The following KDM2B variants were observed in gnomAD, a reference collection of about 807,000 sequenced individuals.
KDM2B encodes the protein lysine demethylase 2B.
KDM2B carries 26 observed loss-of-function variants against 150.0 expected under a neutral mutation model. The observed-to-expected ratio is 0.17, with a 90% confidence interval of 0.13 to 0.24. The LOEUF (loss-of-function observed/expected upper bound fraction) is 0.24, where lower values mean the gene tolerates loss of function less well. Ranked by LOEUF, KDM2B falls within the 10% of genes least tolerant of loss-of-function variation. The pLI, the probability that KDM2B is intolerant of heterozygous loss-of-function variation, is 1.00. For missense variants in KDM2B, 1,265 were observed against 1,816.9 expected, an observed-to-expected ratio of 0.70 and a Z score of 5.52; for synonymous variants, 734 against 729.5, an observed-to-expected ratio of 1.01 and a Z score of -0.10.
rs1375183483 is a variant in KDM2B, at chr12:121,494,805, T to C, written c.1648-140A>G. ...CATTGACTCCACCACCACCCACACATTCAATAGAAACCAAGTCACTAGGGT... is the reference window on the plus strand; with the variant it reads ...CATTGACTCCACCACCACCCACACACTCAATAGAAACCAAGTCACTAGGGT... On this transcript the variant is annotated intron_variant, in intron 11 of 22. Transcript: ENST00000377071. 8.4e-6 allele frequency: 5 copies of C among 594,398 alleles called. No homozygotes were observed. The African/African-American group carries it at 9.6e-5, about 11-fold the overall frequency. The allele number at this position is 594,398 out of a possible 1,614,324, so 36.8% of individuals were successfully genotyped here.
the KDM2B span, chr12:121,416,266 A>T: frequency 1.2e-6 from 2 of 1,613,998 alleles, no homozygotes; most frequent in African/African-American, 2.7e-5. Context: ...CCACCGGTCC[A>T]TTCAGATTTA....
chr12:121,418,060 A>G, the KDM2B span: 7 of 850,090 alleles, frequency 8.2e-6, no homozygotes, highest in Non-Finnish European at 1.3e-5. Flanking sequence ...CTGCACTTAA[A>G]GGCTGTCCTG....
the KDM2B span, among the ~76,000 whole-genome samples, chr12:121,411,962 G>A: frequency 6.6e-6 from 1 of 152,190 alleles, no homozygotes; most frequent in African/African-American, 2.4e-5. Context: ...AAAATGTAAC[G>A]TGCAAACTAA....
At chr12:121,466,554 T>C (rs1879968132) in intron 12 of KDM2B, among the ~76,000 whole-genome samples, 1 of 151,470 alleles carries the variant, frequency 6.6e-6, no homozygotes, top group Non-Finnish European at 1.5e-5. Flanking sequence ...TTCGCCCGGG[T>C]TCCGGGTGGC....
chr12:121,573,116 G>A (rs573823750), intron 4 of KDM2B, among the ~76,000 whole-genome samples: 3 of 144,204 alleles, frequency 2.1e-5, no homozygotes, highest in Non-Finnish European at 3.0e-5. Context: ...GAGCCACTGT[G>A]CCCGGCCTAA....
chr12:121,464,955 G>A (rs767398003), intron 12 of KDM2B, among the ~76,000 whole-genome samples: 25 of 152,272 alleles, frequency 1.6e-4, no homozygotes, highest in South Asian at 4.1e-4. Flanking sequence ...AAAGCATGCA[G>A]GGAGGCAAGG....
chr12:121,562,407 C>T (rs1440454858), intron 4 of KDM2B, among the ~76,000 whole-genome samples: 1 of 152,086 alleles, frequency 6.6e-6, no homozygotes, highest in African/African-American at 2.4e-5. Context: ...TCATTTGAAC[C>T]TGGGAGGCGG....
Position 121,549,345 on chromosome 12 carries a change from C to T in KDM2B, c.576+115G>A. On this transcript the variant is annotated intron_variant, in intron 5 of 22. Transcript: ENST00000377071. The surrounding 1 kb of genome is among the most constrained non-coding windows in gnomAD (Gnocchi z 4.4). ...TTAGTCACCCCTATGCCTGCCAAGC[C>T]CAGCCAGCCACACCCACATGAGCCT... The T allele has an allele frequency of 1.0e-6, 1 of 976,350 alleles. No homozygotes were observed. The highest frequency in any genetic ancestry group is 1.5e-6 in the Non-Finnish European group (1 of 660,154). 60.5% of individuals were successfully genotyped at this position (976,350 alleles called of 1,614,324 possible). A position where few individuals can be genotyped will look rare whatever the true frequency, so the allele number is the denominator to read the frequency against.
intron 12 of KDM2B, among the ~76,000 whole-genome samples, chr12:121,479,461 T>G (rs1157906562): frequency 1.2e-5 from 1 of 82,336 alleles, no homozygotes; most frequent in Admixed American, 1.2e-4. Flanking sequence ...AGCGAGACCC[T>G]GTCTCAAAAA....
intron 12 of KDM2B, among the ~76,000 whole-genome samples, chr12:121,484,367 A>G (rs1287957166): frequency 6.6e-6 from 1 of 152,084 alleles, no homozygotes; most frequent in Non-Finnish European, 1.5e-5. Flanking sequence ...AAGGAGTGTA[A>G]GCAAAGACAG....
intron 7 of KDM2B, 58 bp downstream of exon 7, chr12:121,534,439 C>G (rs1280847212): frequency 8.0e-7 from 1 of 1,251,294 alleles, no homozygotes; most frequent in East Asian, 2.3e-5. Context: ...GGTAAGTGAG[C>G]CCCTCCCCAC....
intron 4 of KDM2B, among the ~76,000 whole-genome samples, chr12:121,569,515 C>T (rs1555315588): frequency 2.0e-5 from 3 of 152,176 alleles, no homozygotes; most frequent in African/African-American, 7.2e-5. Flanking sequence ...CATAGATGTC[C>T]CCGGAGGTTA....
In KDM2B at chr12:121,533,085, G is replaced by C; in HGVS notation, c.778-126C>G. The C allele has an allele frequency of 1.1e-6, 1 of 883,912 alleles. No individual in the cohort carries two copies. The highest frequency in any genetic ancestry group is 1.7e-6 in the Non-Finnish European group (1 of 573,358). 54.8% of individuals were successfully genotyped at this position (883,912 alleles called of 1,614,324 possible). ...CTGTGTGTGGGGTGGGGGGTGTGGA[G>C]AGATGGCAGATCCATCCCTCTGGAC... is the stretch of plus-strand genomic sequence containing the variant. On this transcript the variant is annotated intron_variant, in intron 7 of 22. Transcript: ENST00000377071. This position sits in a 1 kb window ranked among gnomAD's most constrained non-coding sequence, Gnocchi z 4.1.
chr12:121,438,623 G>A (rs945140043), intron 22 of KDM2B, among the ~76,000 whole-genome samples: 6 of 151,988 alleles, frequency 3.9e-5, no homozygotes, highest in South Asian at 2.1e-4. Context: ...AACTTCATGA[G>A]GAGAAGGAAT....
chr12:121,426,588 T>A (rs11065568), downstream of KDM2B, among the ~76,000 whole-genome samples: 2,308 of 150,444 alleles, frequency 0.015, 48 homozygotes, highest in East Asian at 0.13. Flanking sequence ...TGGCATATAA[T>A]GCATACCACC....
Position 121,442,818 on chromosome 12 carries a change from C to T in KDM2B, c.2623G>A (p.Ala875Thr), listed in dbSNP as rs782363353. Residue 875 changes from alanine to threonine, a missense_variant, in exon 19 of 23, where the codon GCC becomes ACC. Transcript: ENST00000377071. The surrounding 1 kb of genome is among the most constrained non-coding windows in gnomAD (Gnocchi z 7.7). The stretch of plus-strand genomic sequence containing the variant: ...TTGGCCAGCGCCATGCGGTCCTCGG[C>T]GTTCTTCCAGGACCGCCGCTGAGGG... The part of the protein sequence containing the change: ...FRKKRRSWKN[A>T]EDRMALANKP... The T allele has an allele frequency of 7.2e-6, 11 of 1,523,292 alleles. No individual in the cohort carries two copies. Among genetic ancestry groups the T allele is most frequent in the Non-Finnish European group, 9.6e-6 (11 of 1,141,024 alleles). 94.4% of individuals were successfully genotyped at this position (1,523,292 alleles called of 1,614,324 possible).
At chr12:121,577,183 C>T (rs1440611077) in intron 2 of KDM2B, among the ~76,000 whole-genome samples, 1 of 152,094 alleles carries the variant, frequency 6.6e-6, no homozygotes, top group Non-Finnish European at 1.5e-5. Context: ...CTTTAGCTCT[C>T]CCTGGCTGGA....
In KDM2B at chr12:121,430,854, C is replaced by G. The variant is rs1243595020; in HGVS notation, c.3830-385G>C. 6.6e-6 allele frequency among the ~76,000 whole-genome samples: 1 copy of G among 152,210 alleles called. No homozygotes were observed. The highest frequency in any genetic ancestry group is 1.9e-4 in the East Asian group (1 of 5,202). ...TAATATGTTGTTGATGAGTACTGCT[C>G]TATGTCTATTACTGTGCATTTATTT... On this transcript the variant is annotated intron_variant, in intron 22 of 22. Transcript: ENST00000377071. The surrounding 1 kb of genome is among the most constrained non-coding windows in gnomAD (Gnocchi z 4.4).
chr12:121,575,080 G>C lies in KDM2B; in HGVS notation c.351-487C>G, dbSNP rs1891413697. The stretch of plus-strand genomic sequence containing the variant: ...TAGTTCCAGGGATGTGGTAATATGG[G>C]CTACAATTCACTATTAATTAACAAT... On this transcript the variant is annotated intron_variant, in intron 3 of 22. Transcript: ENST00000377071. The surrounding 1 kb of genome is among the most constrained non-coding windows in gnomAD (Gnocchi z 4.4). 6.6e-6 allele frequency among the ~76,000 whole-genome samples: 1 copy of C among 152,236 alleles called. No homozygotes were observed. Among genetic ancestry groups the C allele is most frequent in the African/African-American group, 2.4e-5 (1 of 41,454 alleles).
Sources: gnomAD v4.1 joint callset for allele counts (sites outside exome capture counted in the v4.1 genomes callset) on GRCh38, gnomAD v4.1.1 for gene constraint, Gnocchi (gnomAD v3.1) non-coding constraint, MANE v1.5 for transcripts, NCBI Gene and HGNC (gene_info 2026-07-23, HGNC 2026-07-21) for gene names.